The following ARFGEF3 variants were observed in gnomAD, a reference collection of about 807,000 sequenced individuals.
ARFGEF3 encodes the protein brefeldin A-inhibited guanine nucleotide-exchange protein 3.
Under a neutral mutation model 221.7 loss-of-function variants are expected in ARFGEF3, and 96 were observed. The observed-to-expected ratio is 0.43, with a 90% CI of 0.37 to 0.51. The LOEUF (loss-of-function observed/expected upper bound fraction) is 0.51, where lower values mean the gene tolerates loss of function less well. Among genes scored for constraint, ARFGEF3 ranks in the 20% least tolerant of loss-of-function variants. The probability of loss-of-function intolerance (pLI) is 0.00; values close to 1 mark genes in which losing one functional copy is unlikely to be tolerated. For synonymous variants in ARFGEF3, 1,145 were observed against 1,126.8 expected (o/e 1.02, Z -0.32); for missense variants, 2,410 against 2,789.9 (o/e 0.86, Z 3.07).
At chr6:138,313,673 AT>A in intron 25 of ARFGEF3, 121 bp from the exon 26 acceptor site, 2 of 796,872 alleles carry the variant, frequency 2.5e-6, no homozygotes, top group Non-Finnish European at 3.9e-6. Context: ...GAATAATCAA[AT>A]TTTCAATGTC....
intron 29 of ARFGEF3, among the ~76,000 whole-genome samples, chr6:138,322,015 A>C (rs73568910): frequency 0.13 from 20,106 of 152,142 alleles, 2,650 homozygotes; most frequent in African/African-American, 0.34. Context: ...CAGGGTACCC[A>C]GACATTTGGC....
intron 20 of ARFGEF3, among the ~76,000 whole-genome samples, chr6:138,296,472 A>T (rs930379450): frequency 2.6e-5 from 4 of 152,162 alleles, no homozygotes; most frequent in Non-Finnish European, 4.4e-5. Context: ...GCCCAGTATA[A>T]CACAACTACT....
At chr6:138,333,635 G>A (rs1276342824) in intron 32 of ARFGEF3, among the ~76,000 whole-genome samples, 1 of 152,042 alleles carries the variant, frequency 6.6e-6, no homozygotes, top group Non-Finnish European at 1.5e-5. Context: ...GTAGAGACGG[G>A]GTTTCACCAT....
intron 20 of ARFGEF3, among the ~76,000 whole-genome samples, chr6:138,295,073 C>T (rs1779481027): frequency 6.6e-6 from 1 of 152,148 alleles, no homozygotes; most frequent in Non-Finnish European, 1.5e-5. Context: ...ATCTCTGAGC[C>T]TGGGGGTAAC....
intron 15 of ARFGEF3, 146 bp downstream of exon 15, chr6:138,286,199 C>A (rs532981349): frequency 1.0e-5 from 6 of 601,916 alleles, no homozygotes; most frequent in Non-Finnish European, 1.8e-5. Context: ...GCCTGTAATC[C>A]CAGCACTTTG....
chr6:138,341,885 G>A lies in ARFGEF3; in HGVS notation c.*5399G>A, dbSNP rs1780436419. 6.6e-6 allele frequency: 1 copy of A among 152,108 alleles called. No individual in the cohort carries two copies. Among genetic ancestry groups the A allele is most frequent in the Non-Finnish European group, 1.5e-5 (1 of 68,012 alleles). The allele number at this position is 152,108 out of a possible 1,614,324, so 9.4% of individuals were successfully genotyped here. ...TGTGGTACCACTCCATCATTGAAGA[G>A]AAACCACTACCACACCACTAGCACC... is the stretch of plus-strand genomic sequence containing the variant. On this transcript the variant is annotated 3_prime_UTR_variant, in exon 34 of 34. Coordinates refer to ENST00000251691, the MANE Select transcript of ARFGEF3 (RefSeq NM_020340.5).
chr6:138,327,884 A>G, intron 31 of ARFGEF3, 137 bp from the exon 32 acceptor site: 1 of 652,984 alleles, frequency 1.5e-6, no homozygotes, highest in South Asian at 2.2e-5. Flanking sequence ...AACTCTCTCA[A>G]CAAACATATC....
At chr6:138,300,865 A>T (rs957205852) in intron 22 of ARFGEF3, among the ~76,000 whole-genome samples, 11 of 152,242 alleles carry the variant, frequency 7.2e-5, no homozygotes, top group African/African-American at 2.7e-4. Context: ...AATCCCTGAC[A>T]TGAGATTAAG....
Position 138,289,945 on chromosome 6 carries a change from G to C in ARFGEF3, c.3024G>C (p.Pro1008=). The C allele has an allele frequency of 6.2e-7, 1 of 1,613,356 alleles. No homozygotes were observed. Among genetic ancestry groups the C allele is most frequent in the Non-Finnish European group, 8.5e-7 (1 of 1,179,660 alleles). ...GCCTGGAGATGGGAAGCCACAACCC[G>C]GACTGCTGGCCACACGTGTTCAGGT... ...SVGLEMGSHN[P]DCWPHVFRVC... Residue 1008 remains proline (P), a synonymous_variant, in exon 18 of 34, where the codon CCG becomes CCC. Transcript: ENST00000251691.
intron 8 of ARFGEF3, among the ~76,000 whole-genome samples, chr6:138,246,496 C>T (rs1435740962): frequency 6.6e-6 from 1 of 152,172 alleles, no homozygotes; most frequent in Admixed American, 6.5e-5. Flanking sequence ...ATTTGTTTTG[C>T]TTTTGGTTTC....
At chr6:138,196,505 C>T (rs1562349644) in intron 2 of ARFGEF3, among the ~76,000 whole-genome samples, 1 of 152,140 alleles carries the variant, frequency 6.6e-6, no homozygotes, top group African/African-American at 2.4e-5. Context: ...GTATAGGGCA[C>T]TTATGAATAG....
At chr6:138,168,913 TCTC>T in intron 1 of ARFGEF3, among the ~76,000 whole-genome samples, 1 of 152,314 alleles carries the variant, frequency 6.6e-6, no homozygotes, top group East Asian at 1.9e-4. Context: ...TCGTGTCTGT[TCTC>T]ACCACTGGGT....
intron 6 of ARFGEF3, among the ~76,000 whole-genome samples, chr6:138,242,694 G>A (rs533181219): frequency 4.7e-4 from 71 of 152,260 alleles, no homozygotes; most frequent in African/African-American, 1.4e-3. Flanking sequence ...AAGTATCCAC[G>A]CCAGAGTGTC....
chr6:138,245,942 C>G lies in ARFGEF3; in HGVS notation c.665+351C>G, dbSNP rs111943080. ...GTCTCAGCCAGATCTCAGCTGTGTC[C>G]CGGTGCCTGACTCTTCTCATCAAAC... On this transcript the variant is annotated intron_variant, in intron 8 of 33. Transcript: ENST00000251691. Among the ~76,000 whole-genome samples the G allele has an allele frequency of 3.9e-5, 6 of 152,220 alleles. 1 individual carries two copies. Among genetic ancestry groups the G allele is most frequent in the African/African-American group, 1.4e-4 (6 of 41,524 alleles).
chr6:138,273,978 A>G (rs1252211851), intron 12 of ARFGEF3, among the ~76,000 whole-genome samples: 2 of 152,290 alleles, frequency 1.3e-5, no homozygotes, highest in Non-Finnish European at 2.9e-5. Flanking sequence ...GCTGGTACCA[A>G]CAGATTACCT....
chr6:138,270,165 A>T (rs1346820016), intron 12 of ARFGEF3, among the ~76,000 whole-genome samples: 2 of 152,214 alleles, frequency 1.3e-5, no homozygotes, highest in Non-Finnish European at 2.9e-5. Flanking sequence ...GAGACAGGGC[A>T]CATTGCAAGC....
At chr6:138,301,286 C>T (rs1779624849) in intron 22 of ARFGEF3, among the ~76,000 whole-genome samples, 1 of 152,194 alleles carries the variant, frequency 6.6e-6, no homozygotes. Flanking sequence ...AGCATTTATT[C>T]TTAAAAACAG....
chr6:138,319,086 C>T (rs1385175641), intron 27 of ARFGEF3, among the ~76,000 whole-genome samples: 1 of 151,158 alleles, frequency 6.6e-6, no homozygotes, highest in Admixed American at 6.6e-5. Flanking sequence ...CCCAAGTTGC[C>T]GAGGCTACCA....
chr6:138,331,161 T>TA (rs964921447), intron 32 of ARFGEF3, among the ~76,000 whole-genome samples: 2 of 152,276 alleles, frequency 1.3e-5, no homozygotes, highest in Non-Finnish European at 2.9e-5. Flanking sequence ...TTATTGGTTT[T>TA]AAAAGGTTAC....
Sources: allele counts gnomAD v4.1 joint callset (sites outside exome capture counted in the v4.1 genomes callset), GRCh38; gene constraint gnomAD v4.1.1; transcripts MANE v1.5; gene names NCBI Gene and HGNC (gene_info 2026-07-23, HGNC 2026-07-21).